Variants in OPCML observed in about 807,000 individuals in gnomAD.
OPCML encodes opioid-binding protein/cell adhesion molecule.
In OPCML, 13 loss-of-function variants were observed where a neutral mutation model predicts 37.8. The observed-to-expected ratio is 0.34, with a 90% CI of 0.22 to 0.55. The LOEUF (loss-of-function observed/expected upper bound fraction) is 0.55. OPCML is among the 20% of genes least tolerant of loss of function. OPCML has a pLI of 0.91. For synonymous variants in OPCML, 176 were observed against 168.8 expected, an observed-to-expected ratio of 1.04 and a Z score of -0.33; for missense variants, 341 against 435.6, an observed-to-expected ratio of 0.78 and a Z score of 1.93.
intron 1 of OPCML, among the ~76,000 whole-genome samples, chr11:132,987,594 A>T (rs559284814): frequency 2.4e-4 from 36 of 152,320 alleles, no homozygotes; most frequent in African/African-American, 7.9e-4. Flanking sequence ...TGTGATTTCA[A>T]ATGACTACTC....
rs369569204 is a variant in OPCML at position 133,313,066 on chromosome 11, C to T, written c.61+219198G>A. Among the ~76,000 whole-genome samples the T allele has an allele frequency of 1.5e-4, 23 of 152,204 alleles. 1 individual carries two copies. Among genetic ancestry groups the T allele is most frequent in the East Asian group, 9.7e-4 (5 of 5,180 alleles). On this transcript the variant is annotated intron_variant, in intron 1 of 7. Transcript: ENST00000524381. ...CATGGACAGCATAAGCCTGCACTAC[C>T]GTTTATCTTTATGGTATTTATCACT...
chr11:133,325,946 C>T (rs959800079), intron 1 of OPCML, among the ~76,000 whole-genome samples: 4 of 152,106 alleles, frequency 2.6e-5, no homozygotes, highest in African/African-American at 9.7e-5. Context: ...AACTCTTGTC[C>T]ATCACAATAG....
intron 1 of OPCML, among the ~76,000 whole-genome samples, chr11:133,166,021 C>T: frequency 6.6e-6 from 1 of 152,210 alleles, no homozygotes; most frequent in East Asian, 1.9e-4. Flanking sequence ...GTGTCAACTA[C>T]TATTCCACAA....
chr11:133,458,156 A>ATATATATACATATACATATATGTG (rs1565644463), intron 1 of OPCML, among the ~76,000 whole-genome samples: 16 of 150,134 alleles, frequency 1.1e-4, no homozygotes, highest in Admixed American at 1.0e-3. Context: ...GAGAAAAAAT[A>ATATATATACATATACATATATGTG]TATATATACA....
At chr11:132,648,299 G>A (rs111887634) in intron 3 of OPCML, among the ~76,000 whole-genome samples, 54 of 152,256 alleles carry the variant, frequency 3.5e-4, no homozygotes, top group African/African-American at 1.1e-3. Context: ...CAGCAGGAAC[G>A]TGTGGGAAAA....
At chr11:132,997,540 G>A (rs1180745005) in intron 1 of OPCML, among the ~76,000 whole-genome samples, 2 of 152,110 alleles carry the variant, frequency 1.3e-5, no homozygotes, top group African/African-American at 4.8e-5. Context: ...AGTGCTGTAT[G>A]CATGCACATG....
rs1320656867 is a variant in OPCML, at chr11:132,906,248, AG to A, written c.146+36677del. Among the ~76,000 whole-genome samples the A allele has an allele frequency of 1.2e-4, 18 of 152,254 alleles. 1 individual carries two copies. Among genetic ancestry groups the A allele is most frequent in the African/African-American group, 3.6e-4 (15 of 41,474 alleles). ...TGTAGCAGGCAAGGACCCATGGGGC[AG>A]GTTCTCATCAGAATGCTTTACAATA... On this transcript the variant is annotated intron_variant, in intron 2 of 7. Coordinates refer to ENST00000524381, the MANE Select transcript of OPCML (RefSeq NM_001012393.5).
chr11:132,508,546 C>T (rs557387076), intron 4 of OPCML, among the ~76,000 whole-genome samples: 17 of 152,298 alleles, frequency 1.1e-4, no homozygotes, highest in African/African-American at 4.1e-4. Flanking sequence ...TAAATCTCAT[C>T]TTGCATTGTA....
intron 1 of OPCML, among the ~76,000 whole-genome samples, chr11:133,156,012 GA>G (rs1941072998): frequency 6.6e-6 from 1 of 152,148 alleles, no homozygotes; most frequent in Non-Finnish European, 1.5e-5. Context: ...CGGAGAGCAA[GA>G]CACTCTGCCA....
chr11:132,817,750 T>C (rs895638919), intron 2 of OPCML, among the ~76,000 whole-genome samples: 2 of 151,656 alleles, frequency 1.3e-5, no homozygotes, highest in African/African-American at 4.9e-5. Context: ...GCCTTGTAAC[T>C]GCCCCCCTCC....
intron 1 of OPCML, among the ~76,000 whole-genome samples, chr11:133,283,907 C>T (rs1424874075): frequency 6.6e-6 from 1 of 152,130 alleles, no homozygotes; most frequent in Non-Finnish European, 1.5e-5. Context: ...TTACTCCTTT[C>T]TAAATTGAGG....
chr11:133,483,582 T>C (rs1947432600), intron 1 of OPCML, among the ~76,000 whole-genome samples: 2 of 151,436 alleles, frequency 1.3e-5, no homozygotes, highest in South Asian at 4.2e-4. Flanking sequence ...GGATGATAGA[T>C]TAGATAGATT....
Position 133,173,404 on chromosome 11 carries a change from C to CAT in OPCML, c.62-230395_62-230394insAT, listed in dbSNP as rs1390504680. On this transcript the variant is annotated intron_variant, in intron 1 of 7. Coordinates refer to ENST00000524381, the MANE Select transcript of OPCML (RefSeq NM_001012393.5). This position sits in a 1 kb window ranked among gnomAD's most constrained non-coding sequence, Gnocchi z 7.8. Reference sequence around the variant, plus strand: ...GGAGTACAGATCCCAGTATGTTGCACACTGTAAGAACTTAAAAGAATAATA... The same window carrying CAT: ...GGAGTACAGATCCCAGTATGTTGCACATACTGTAAGAACTTAAAAGAATAATA... 9.9e-5 allele frequency among the ~76,000 whole-genome samples: 15 copies of CAT among 152,168 alleles called. No individual in the cohort carries two copies. Among genetic ancestry groups the CAT allele is most frequent in the Non-Finnish European group, 1.9e-4 (13 of 68,042 alleles).
intron 3 of OPCML, among the ~76,000 whole-genome samples, chr11:132,591,721 C>T (rs2437831): frequency 0.74 from 112,013 of 152,146 alleles, 41,762 homozygotes; most frequent in East Asian, 0.87. Context: ...ATAAATGAGA[C>T]GTTACGTAGA....
intron 4 of OPCML, among the ~76,000 whole-genome samples, chr11:132,485,625 C>T (rs2096197345): frequency 6.6e-6 from 1 of 152,214 alleles, no homozygotes; most frequent in Non-Finnish European, 1.5e-5. Context: ...TGCTTTAGAA[C>T]TTTACATTAA....
chr11:133,250,486 T>G (rs1592141210), intron 1 of OPCML, among the ~76,000 whole-genome samples: 2 of 99,614 alleles, frequency 2.0e-5, no homozygotes, highest in Non-Finnish European at 3.6e-5. Context: ...GAGGGAAGAA[T>G]GAAGAAAGGG....
At chr11:132,571,431 C>T (rs1183295422) in intron 3 of OPCML, among the ~76,000 whole-genome samples, 1 of 152,122 alleles carries the variant, frequency 6.6e-6, no homozygotes, top group African/African-American at 2.4e-5. Flanking sequence ...AGAACCCTGA[C>T]TAATATACCT....
intron 1 of OPCML, among the ~76,000 whole-genome samples, chr11:132,954,025 T>C (rs1027080983): frequency 3.3e-5 from 5 of 152,240 alleles, no homozygotes; most frequent in African/African-American, 1.2e-4. Flanking sequence ...GTATAACATG[T>C]CAGTTACTTG....
chr11:133,236,206 C>T (rs1791530830), intron 1 of OPCML, among the ~76,000 whole-genome samples: 1 of 152,078 alleles, frequency 6.6e-6, no homozygotes, highest in Non-Finnish European at 1.5e-5. Flanking sequence ...TCCCCACAGT[C>T]GATCTGGTAA....
Sources: allele counts gnomAD v4.1 joint callset (sites outside exome capture counted in the v4.1 genomes callset), GRCh38; gene constraint gnomAD v4.1.1; non-coding constraint Gnocchi (gnomAD v3.1); transcripts MANE v1.5; gene names NCBI Gene and HGNC (gene_info 2026-07-23, HGNC 2026-07-21).